NSF: variants seen among roughly 807,000 people sequenced by gnomAD.
The protein encoded by NSF is vesicle-fusing ATPase.
A neutral mutation model predicts 50.3 loss-of-function variants in NSF; 14 were observed. The ratio of observed to expected loss-of-function variants is 0.28; its 90% CI spans 0.18 to 0.44. The LOEUF is 0.44. Ranked by LOEUF, NSF falls within the 20% of genes least tolerant of loss-of-function variation. The pLI is 1.00. For missense variants in NSF, 218 were observed against 504.3 expected (o/e 0.43, Z 5.44); for synonymous variants, 109 against 175.7 (o/e 0.62, Z 3.00).
In NSF at chr17:46,626,194, T is replaced by G. The variant is rs973005806; in HGVS notation, c.99-419T>G. Among the ~76,000 whole-genome samples, 51 of 125,320 alleles carry G rather than the reference T, an allele frequency of 4.1e-4. 1 individual carries two copies. Among genetic ancestry groups the G allele is most frequent in the Non-Finnish European group, 6.4e-4 (41 of 64,412 alleles). The allele number at this position is 125,320 out of a possible 152,430, so 82.2% of individuals were successfully genotyped here. ...TAAATTTAATGAGTAGTCTAAAAAC[T>G]AACTTTTTTTTGATTGCTATATCCT... is the stretch of plus-strand genomic sequence containing the variant. On this transcript the variant is annotated intron_variant, in intron 2 of 20. Coordinates refer to ENST00000398238, the MANE Select transcript of NSF (RefSeq NM_006178.4).
chr17:46,709,742 G>A lies in NSF; in HGVS notation c.1471-1221G>A, dbSNP rs568654600. The stretch of plus-strand genomic sequence containing the variant: ...ACTCCATACCTCAGGTGATCCACCC[G>A]CCTCAGCCTCCCAAAGTGCTGGGAT... On this transcript the variant is annotated intron_variant, in intron 13 of 20. Transcript: ENST00000398238. 9.9e-5 allele frequency among the ~76,000 whole-genome samples: 15 copies of A among 152,060 alleles called. No homozygotes were observed. The South Asian group carries it at 2.5e-3, about 25-fold the overall frequency.
chr17:46,721,615 A>T, intron 15 of NSF: 8 of 1,583,032 alleles, frequency 5.1e-6, no homozygotes, highest in Non-Finnish European at 6.0e-6. Flanking sequence ...CAAAATTAAC[A>T]TCCTTGCCCG....
At chr17:46,747,562 G>T (rs1471350744) in intron 17 of NSF, among the ~76,000 whole-genome samples, 3 of 152,120 alleles carry the variant, frequency 2.0e-5, no homozygotes, top group Non-Finnish European at 2.9e-5. Context: ...TTACAGGTGT[G>T]AGCCACCGGC....
intron 17 of NSF, among the ~76,000 whole-genome samples, chr17:46,743,095 G>T (rs555384034): frequency 6.6e-6 from 1 of 152,068 alleles, no homozygotes; most frequent in African/African-American, 2.4e-5. Context: ...TCCTTCGGAG[G>T]GGGTGTCTGA....
chr17:46,598,515 C>T (rs1406893070), intron 1 of NSF, among the ~76,000 whole-genome samples: 1 of 152,192 alleles, frequency 6.6e-6, no homozygotes, highest in Non-Finnish European at 1.5e-5. Context: ...GTCCTTAAAC[C>T]TAGTCGAGGT....
At chr17:46,755,725 T>A (rs78261223) in intron 20 of NSF, 77 bp from the exon 21 acceptor site, 10 of 775,564 alleles carry the variant, frequency 1.3e-5, no homozygotes, top group Non-Finnish European at 1.5e-5. Flanking sequence ...TTTAGTGATT[T>A]TTTTTTTTTT....
At chr17:46,750,788 T>C (rs1257302504) in intron 18 of NSF, among the ~76,000 whole-genome samples, 1 of 151,966 alleles carries the variant, frequency 6.6e-6, no homozygotes, top group African/African-American at 2.4e-5. Flanking sequence ...TAGTGGCTTT[T>C]AGCACATTTC....
chr17:46,710,044 G>T (rs1429224212), intron 13 of NSF, among the ~76,000 whole-genome samples: 3 of 152,186 alleles, frequency 2.0e-5, no homozygotes, highest in Non-Finnish European at 4.4e-5. Flanking sequence ...ACAGCTTTAT[G>T]TGAGGTGCAT....
At chr17:46,711,260 A>G in intron 14 of NSF, 141 bp downstream of exon 14, 1 of 767,638 alleles carries the variant, frequency 1.3e-6, no homozygotes, top group Non-Finnish European at 1.9e-6. Context: ...AATCCAATCT[A>G]TGTACCAATA....
In NSF at chr17:46,690,625, AT is replaced by A. The variant is rs1243559101; in HGVS notation, c.946-2277del. 6.8e-4 allele frequency among the ~76,000 whole-genome samples: 26 copies of A among 38,022 alleles called. No individual in the cohort carries two copies. In the Middle Eastern group the frequency reaches 0.065, roughly 94 times the overall value. 24.9% of individuals were successfully genotyped at this position (38,022 alleles called of 152,430 possible). On this transcript the variant is annotated intron_variant, in intron 9 of 20. Coordinates refer to ENST00000398238, the MANE Select transcript of NSF (RefSeq NM_006178.4). The stretch of plus-strand genomic sequence containing the variant: ...AGACTCCGTCTCAAAAAAAAAAAAA[AT>A]ATATATATATATATATTGTATAGGG...
In NSF at chr17:46,734,041, C is replaced by T. The variant is rs141127871; in HGVS notation, c.1908+5107C>T. Among the ~76,000 whole-genome samples, 5 of 152,310 alleles carry T rather than the reference C, an allele frequency of 3.3e-5. No individual in the cohort carries two copies. In the South Asian group the frequency reaches 8.3e-4, roughly 25 times the overall value. ...GTTTCTGCATGAGTTTTGTTTTTAA[C>T]ATCAGCAGTCTCTAGACAACATTGC... On this transcript the variant is annotated intron_variant, in intron 17 of 20. Transcript: ENST00000398238.
At chr17:46,630,739 G>A (rs2058126024) in intron 4 of NSF, 1 of 349,004 alleles carries the variant, frequency 2.9e-6, no homozygotes, top group South Asian at 4.2e-5. Flanking sequence ...TAGATAATAA[G>A]CCAAAGAACT....
At position 46,721,506 on chromosome 17, in the gene NSF, A is replaced by G; in HGVS notation, c.1762-5043A>G. ...TTTTACCTGTTCTACAGGAAACTTCATAATAGAACTGGGCTGACTATACAT... is the reference window on the plus strand; with the variant it reads ...TTTTACCTGTTCTACAGGAAACTTCGTAATAGAACTGGGCTGACTATACAT... On this transcript the variant is annotated intron_variant, in intron 15 of 20. Transcript: ENST00000398238. The G allele has an allele frequency of 5.5e-6, 5 of 915,568 alleles. No individual in the cohort carries two copies. In the South Asian group the frequency reaches 5.5e-5, roughly 10 times the overall value. The allele number at this position is 915,568 out of a possible 1,614,324, so 56.7% of individuals were successfully genotyped here. A position where few individuals can be genotyped will look rare whatever the true frequency, so the allele number is the denominator to read the frequency against.
Position 46,710,827 on chromosome 17 carries a change from T to G in NSF, c.1471-136T>G, listed in dbSNP as rs1290667218. 1.5e-5 allele frequency: 11 copies of G among 733,858 alleles called. No homozygotes were observed. In the East Asian group the frequency reaches 3.7e-4, roughly 25 times the overall value. 45.5% of individuals were successfully genotyped at this position (733,858 alleles called of 1,614,324 possible). ...TTAAATGAGAAATTATACAAGTTGTTTTGCTTTCCAGGCTTTTTATATTAA... is the reference window on the plus strand; with the variant it reads ...TTAAATGAGAAATTATACAAGTTGTGTTGCTTTCCAGGCTTTTTATATTAA... On this transcript the variant is annotated intron_variant, in intron 13 of 20. Transcript: ENST00000398238.
chr17:46,737,481 C>T (rs73321068), intron 17 of NSF, among the ~76,000 whole-genome samples: 221 of 152,144 alleles, frequency 1.5e-3, no homozygotes, highest in African/African-American at 5.0e-3. Context: ...TTAGCTCATA[C>T]GAGGTGCTGG....
intron 18 of NSF, among the ~76,000 whole-genome samples, chr17:46,750,726 GGGT>G: frequency 6.6e-6 from 1 of 152,252 alleles, no homozygotes; most frequent in African/African-American, 2.4e-5. Context: ...AAACTTGAAT[GGGT>G]GGTGGTGTGG....
At chr17:46,754,858 A>C (rs995977413) in intron 19 of NSF, among the ~76,000 whole-genome samples, 1 of 152,244 alleles carries the variant, frequency 6.6e-6, no homozygotes, top group Non-Finnish European at 1.5e-5. Flanking sequence ...GAAAAGCTAC[A>C]TGGTTGGTTA....
chr17:46,740,956 G>T (rs959503568), intron 17 of NSF, among the ~76,000 whole-genome samples: 1 of 152,162 alleles, frequency 6.6e-6, no homozygotes, highest in Non-Finnish European at 1.5e-5. Flanking sequence ...TAAGAGCACA[G>T]AGGTCATTAT....
intron 13 of NSF, among the ~76,000 whole-genome samples, chr17:46,707,146 C>T (rs1218353646): frequency 6.6e-6 from 1 of 152,140 alleles, no homozygotes; most frequent in African/African-American, 2.4e-5. Context: ...CCACTGCACC[C>T]AGCCTCAGAT....
Sources: allele counts gnomAD v4.1 joint callset (sites outside exome capture counted in the v4.1 genomes callset), GRCh38; gene constraint gnomAD v4.1.1; transcripts MANE v1.5; gene names NCBI Gene and HGNC (gene_info 2026-07-23, HGNC 2026-07-21).